Variants in ALKBH5 observed in about 807,000 individuals in gnomAD.
The protein encoded by ALKBH5 is alkB homolog 5, RNA demethylase.
ALKBH5 carries 2 observed loss-of-function variants against 32.1 expected under a neutral mutation model. The ratio of observed to expected loss-of-function variants is 0.06; its 90% CI spans 0.03 to 0.20. ALKBH5 has a LOEUF of 0.20. Among genes scored for constraint, ALKBH5 ranks in the 10% least tolerant of loss-of-function variants. The pLI is 1.00. For synonymous variants in ALKBH5, 300 were observed against 231.7 expected (o/e 1.29, Z -2.68); for missense variants, 352 against 559.5 (o/e 0.63, Z 3.74).
At chr17:18,201,134 G>T (rs1363147376) in intron 2 of ALKBH5, among the ~76,000 whole-genome samples, 1 of 152,232 alleles carries the variant, frequency 6.6e-6, no homozygotes, top group Non-Finnish European at 1.5e-5. Flanking sequence ...TCAGCAGTGG[G>T]GTGAGGGGTG....
Position 18,208,572 on chromosome 17 carries a change from G to C in ALKBH5, c.*176G>C, listed in dbSNP as rs746570263. 40 of 779,938 alleles carry C rather than the reference G, an allele frequency of 5.1e-5. No homozygotes were observed. The East Asian group carries it at 1.0e-3, about 20-fold the overall frequency. 48.3% of individuals were successfully genotyped at this position (779,938 alleles called of 1,614,324 possible). On this transcript the variant is annotated 3_prime_UTR_variant, in exon 4 of 4. Transcript: ENST00000399138. ...CCTGTTAGGGCTGAAGAATAGAATT[G>C]GCCAGGACCTAGGTTCTCATATTCT...
At chr17:18,203,839 A>G (rs951680034) in intron 2 of ALKBH5, among the ~76,000 whole-genome samples, 19 of 152,126 alleles carry the variant, frequency 1.2e-4, no homozygotes, top group Admixed American at 1.1e-3. Context: ...TGTACTTATA[A>G]CAGTCCCAGG....
In ALKBH5 at chr17:18,184,353, C is replaced by A. The variant is rs2047122981; in HGVS notation, c.110C>A (p.Ala37Asp). 3 of 1,518,194 alleles carry A rather than the reference C, an allele frequency of 2.0e-6. No individual in the cohort carries two copies. Among genetic ancestry groups the A allele is most frequent in the Non-Finnish European group, 2.6e-6 (3 of 1,135,860 alleles). The allele number at this position is 1,518,194 out of a possible 1,614,324, so 94.0% of individuals were successfully genotyped here. Reference sequence around the variant, plus strand: ...GAGGCCGCCGCCGCTGCCGCAGCCGCCGTAGCCGCCGCAGCCGCAGCCGCC... The same window carrying A: ...GAGGCCGCCGCCGCTGCCGCAGCCGACGTAGCCGCCGCAGCCGCAGCCGCC... ...SREAAAAAAA[A>D]VAAAAAAAAA... The change falls in exon 1 of 4, where the codon GCC (alanine) becomes GAC (aspartate). Residue 37 changes from alanine to aspartate, a missense_variant. Physicochemically the swap from Ala to Asp is moderately radical, Grantham distance 126. Around this residue, in one of 4 missense-constraint regions of ALKBH5, gnomAD observed 144 missense variants for 125.8 expected, o/e 1.14. Coordinates refer to ENST00000399138, the MANE Select transcript of ALKBH5 (RefSeq NM_017758.4).
At chr17:18,195,460 G>A (rs1597838761) in intron 2 of ALKBH5, among the ~76,000 whole-genome samples, 2 of 152,234 alleles carry the variant, frequency 1.3e-5, no homozygotes, top group Admixed American at 6.5e-5. Context: ...AAGGAACAGG[G>A]AGTGAAGAGA....
At chr17:18,193,956 C>G (rs1347769531) in intron 1 of ALKBH5, among the ~76,000 whole-genome samples, 1 of 152,132 alleles carries the variant, frequency 6.6e-6, no homozygotes, top group Admixed American at 6.5e-5. Flanking sequence ...GGCTGCCATG[C>G]TTCCAGTGAT....
Position 18,209,631 on chromosome 17 carries a change from C to G in ALKBH5, c.*1235C>G, listed in dbSNP as rs1211856287. The G allele has an allele frequency of 6.6e-6, 1 of 152,264 alleles. No homozygotes were observed. Among genetic ancestry groups the G allele is most frequent in the African/African-American group, 2.4e-5 (1 of 41,454 alleles). The allele number at this position is 152,264 out of a possible 1,614,324, so 9.4% of individuals were successfully genotyped here. A position where few individuals can be genotyped will look rare whatever the true frequency, so the allele number is the denominator to read the frequency against. Reference sequence around the variant, plus strand: ...TCATTAGGAATGTCTTCTTGTCAGCCAGGCCAGGACCCGGGCTTGCCAAGA... The same window carrying G: ...TCATTAGGAATGTCTTCTTGTCAGCGAGGCCAGGACCCGGGCTTGCCAAGA... On this transcript the variant is annotated 3_prime_UTR_variant, in exon 4 of 4. Coordinates refer to ENST00000399138, the MANE Select transcript of ALKBH5 (RefSeq NM_017758.4).
At chr17:18,203,978 C>T (rs553599244) in intron 2 of ALKBH5, among the ~76,000 whole-genome samples, 5 of 152,302 alleles carry the variant, frequency 3.3e-5, no homozygotes, top group Admixed American at 2.0e-4. Context: ...CAGGGGCCTT[C>T]CTTCCCTGAA....
intron 1 of ALKBH5, among the ~76,000 whole-genome samples, chr17:18,194,191 C>T (rs1364534565): frequency 2.0e-5 from 3 of 151,934 alleles, no homozygotes; most frequent in African/African-American, 4.8e-5. Flanking sequence ...CAGAGTCTCG[C>T]TCTGTTGCCC....
chr17:18,185,107 T>A lies in ALKBH5; in HGVS notation c.770+94T>A, dbSNP rs117195862. On this transcript the variant is annotated intron_variant, in intron 1 of 3. Transcript: ENST00000399138. ...CAGCAGCCCGTAGGAGTCTGCGTTT[T>A]TTACAGTTCTGACCAGTTCTTCTGT... 3,463 of 1,519,138 alleles carry A rather than the reference T, an allele frequency of 2.3e-3. 2 individuals carry two copies. Among genetic ancestry groups the A allele is most frequent in the Non-Finnish European group, 2.6e-3 (2,918 of 1,140,240 alleles). The allele number at this position is 1,519,138 out of a possible 1,614,324, so 94.1% of individuals were successfully genotyped here. A position where few individuals can be genotyped will look rare whatever the true frequency, so the allele number is the denominator to read the frequency against.
At position 18,208,389 on chromosome 17, in the gene ALKBH5, G is replaced by A; in HGVS notation, c.1178G>A (p.Arg393Gln). 6.2e-7 allele frequency: 1 copy of A among 1,612,616 alleles called. No individual in the cohort carries two copies. Among genetic ancestry groups the A allele is most frequent in the Non-Finnish European group, 8.5e-7 (1 of 1,179,332 alleles). The change falls in exon 4 of 4, where the codon CGG becomes CAG. Residue 393 changes from arginine to glutamine, a missense_variant. This residue lies in a region of ALKBH5 where 124 missense variants were observed against 142.4 expected (regional missense o/e 0.87). Transcript: ENST00000399138. Reference sequence around the variant, plus strand: ...CCTGCCCGAAAGGTGAAGATGCGGCGGCACTGAGTCTACCCGCCGCCCTCC... The same window carrying A: ...CCTGCCCGAAAGGTGAAGATGCGGCAGCACTGAGTCTACCCGCCGCCCTCC... ...GSPARKVKMR[R>Q]H
At chr17:18,208,084 C>G (rs2047280519) in intron 3 of ALKBH5, 135 bp from the exon 4 acceptor site, 1 of 912,270 alleles carries the variant, frequency 1.1e-6, no homozygotes, top group African/African-American at 1.7e-5. Flanking sequence ...ATACCAGGGC[C>G]TCTGCCAGGA....
intron 2 of ALKBH5, chr17:18,206,443 C>CCGTT: frequency 1.1e-5 from 2 of 178,046 alleles, no homozygotes; most frequent in Non-Finnish European, 2.4e-5. Context: ...ACCAGTGGGG[C>CCGTT]CGTTGGTCCT....
intron 1 of ALKBH5, among the ~76,000 whole-genome samples, chr17:18,188,587 G>T (rs1048021780): frequency 2.6e-5 from 4 of 152,360 alleles, no homozygotes; most frequent in South Asian, 2.1e-4. Context: ...TTCCACTGGA[G>T]GGGGAGGAAC....
chr17:18,208,024 T>C (rs1263907444), intron 3 of ALKBH5, among the ~76,000 whole-genome samples, 195 bp from the exon 4 acceptor site: 1 of 152,122 alleles, frequency 6.6e-6, no homozygotes, highest in Non-Finnish European at 1.5e-5. Flanking sequence ...AATTGGGAAA[T>C]GTCCCAAAGA....
At chr17:18,200,346 G>A (rs1450862863) in intron 2 of ALKBH5, among the ~76,000 whole-genome samples, 5 of 152,104 alleles carry the variant, frequency 3.3e-5, no homozygotes, top group South Asian at 2.1e-4. Context: ...GCCTTGAGTT[G>A]GTGACTAGGG....
chr17:18,191,335 G>T (rs970003997), intron 1 of ALKBH5, among the ~76,000 whole-genome samples: 12 of 152,148 alleles, frequency 7.9e-5, no homozygotes, highest in South Asian at 4.1e-4. Flanking sequence ...GTACTAATAA[G>T]CCTTCCAGGT....
chr17:18,184,287 A>T lies in ALKBH5; in HGVS notation c.44A>T (p.Lys15Met). The change falls in exon 1 of 4, where the codon AAG becomes ATG. Residue 15 changes from lysine (K) to methionine (M), a missense_variant. Lys to Met is a moderately conservative substitution (Grantham distance 95). Coordinates refer to ENST00000399138, the MANE Select transcript of ALKBH5 (RefSeq NM_017758.4). ...TACACGGACCTGCGTGAGAAGCTCA[A>T]GTCCATGACGTCCCGGGACAACTAT... ...SGYTDLREKL[K>M]SMTSRDNYKA... The T allele has an allele frequency of 6.5e-7, 1 of 1,526,902 alleles. No homozygotes were observed. The highest frequency in any genetic ancestry group is 2.6e-5 in the East Asian group (1 of 38,758). The allele number at this position is 1,526,902 out of a possible 1,614,324, so 94.6% of individuals were successfully genotyped here.
intron 2 of ALKBH5, among the ~76,000 whole-genome samples, chr17:18,205,400 C>T (rs2047263875): frequency 6.6e-6 from 1 of 152,312 alleles, no homozygotes; most frequent in Non-Finnish European, 1.5e-5. Flanking sequence ...ACTGGCATCC[C>T]CCTCTGCAAG....
intron 2 of ALKBH5, among the ~76,000 whole-genome samples, chr17:18,202,230 C>T (rs1250136050): frequency 1.3e-5 from 2 of 152,030 alleles, no homozygotes; most frequent in Admixed American, 1.3e-4. Context: ...ATGGCATGAA[C>T]CCAGGAGGCG....
Sources: gnomAD v4.1 joint callset for allele counts (sites outside exome capture counted in the v4.1 genomes callset) on GRCh38, gnomAD v4.1.1 for gene constraint, gnomAD v4.1.1 regional missense constraint, MANE v1.5 for transcripts, NCBI Gene and HGNC (gene_info 2026-07-23, HGNC 2026-07-21) for gene names.